DCC: variants seen among roughly 807,000 people sequenced by gnomAD.
DCC encodes DCC netrin 1 receptor, also known as netrin receptor DCC.
A neutral mutation model predicts 172.5 loss-of-function variants in DCC; 58 were observed. The observed-to-expected ratio is 0.34, with a 90% CI of 0.27 to 0.42. The LOEUF is 0.42. Ranked by LOEUF, DCC falls within the 10% of genes least tolerant of loss-of-function variation. DCC has a pLI of 1.00. For synonymous variants in DCC, 709 were observed against 644.5 expected (o/e 1.10, Z -1.52); for missense variants, 1,740 against 1,791.0 (o/e 0.97, Z 0.51).
At chr18:53,278,725 C>G (rs1336147387) in intron 12 of DCC, among the ~76,000 whole-genome samples, 1 of 152,098 alleles carries the variant, frequency 6.6e-6, no homozygotes, top group Non-Finnish European at 1.5e-5. Context: ...GCATTTGAAA[C>G]AGGGTTGATC....
chr18:52,603,973 C>A (rs759236913), intron 1 of DCC, among the ~76,000 whole-genome samples: 1 of 151,732 alleles, frequency 6.6e-6, no homozygotes, highest in East Asian at 1.9e-4. Context: ...ACCTATATTT[C>A]CTTGTCAATA....
At chr18:53,482,530 T>C (rs1282533790) in intron 25 of DCC, among the ~76,000 whole-genome samples, 1 of 152,140 alleles carries the variant, frequency 6.6e-6, no homozygotes, top group East Asian at 1.9e-4. Context: ...TTTATGTTTC[T>C]CTCTCCAAAT....
At chr18:53,446,535 A>G (rs1912623196) in intron 22 of DCC, among the ~76,000 whole-genome samples, 1 of 152,192 alleles carries the variant, frequency 6.6e-6, no homozygotes, top group African/African-American at 2.4e-5. Context: ...TCTAGGTTTG[A>G]GAGCTCTAAA....
At chr18:52,711,426 C>T (rs2036290513) in intron 1 of DCC, among the ~76,000 whole-genome samples, 1 of 152,138 alleles carries the variant, frequency 6.6e-6, no homozygotes, top group African/African-American at 2.4e-5. Flanking sequence ...GCTATATGCT[C>T]AATGCTGAGC....
intron 7 of DCC, among the ~76,000 whole-genome samples, chr18:53,135,557 C>T (rs1044687006): frequency 2.0e-5 from 3 of 152,098 alleles, no homozygotes; most frequent in Admixed American, 6.6e-5. Flanking sequence ...AGTCTTCTTC[C>T]AGTGTGGGTA....
chr18:53,488,972 C>T (rs2045931764), intron 26 of DCC, among the ~76,000 whole-genome samples: 1 of 151,594 alleles, frequency 6.6e-6, no homozygotes, highest in African/African-American at 2.4e-5. Flanking sequence ...TCCTGGCCAA[C>T]ATGGTGAAAC....
chr18:53,143,940 T>C (rs2043867921), intron 7 of DCC, among the ~76,000 whole-genome samples: 1 of 152,254 alleles, frequency 6.6e-6, no homozygotes, highest in Non-Finnish European at 1.5e-5. Context: ...ATTCTTATGT[T>C]GACATTTATT....
At chr18:53,279,630 T>G (rs1177635317) in intron 12 of DCC, among the ~76,000 whole-genome samples, 2 of 127,442 alleles carry the variant, frequency 1.6e-5, no homozygotes, top group Non-Finnish European at 3.3e-5. Flanking sequence ...ACCTGTACCC[T>G]AAAACTTAAA....
At chr18:53,530,508 A>G (rs1411430542) in intron 28 of DCC, 56 bp from the exon 29 acceptor site, 4 of 1,013,654 alleles carry the variant, frequency 3.9e-6, no homozygotes, top group Non-Finnish European at 6.3e-6. Flanking sequence ...CCCGGCCTTC[A>G]TAAAAGAAAT....
intron 1 of DCC, among the ~76,000 whole-genome samples, chr18:52,520,624 T>C (rs1022241391): frequency 6.6e-6 from 1 of 152,226 alleles, no homozygotes; most frequent in Non-Finnish European, 1.5e-5. Context: ...GCCTACTGCC[T>C]GATCCAGTTC....
At chr18:53,101,655 G>T (rs1435529386) in intron 7 of DCC, among the ~76,000 whole-genome samples, 1 of 152,058 alleles carries the variant, frequency 6.6e-6, no homozygotes, top group Non-Finnish European at 1.5e-5. Flanking sequence ...TGACATGTTT[G>T]TTGTCCTTTC....
intron 5 of DCC, among the ~76,000 whole-genome samples, chr18:53,006,465 C>A (rs2041647452): frequency 6.6e-6 from 1 of 151,988 alleles, no homozygotes; most frequent in Non-Finnish European, 1.5e-5. Flanking sequence ...GAAGAACTAG[C>A]AAAAGAGAAA....
At chr18:52,563,509 G>A (rs2033086798) in intron 1 of DCC, among the ~76,000 whole-genome samples, 1 of 152,090 alleles carries the variant, frequency 6.6e-6, no homozygotes, top group African/African-American at 2.4e-5. Flanking sequence ...TCTTCAGCAG[G>A]CACACATAAG....
chr18:52,895,773 T>C (rs760102647), intron 2 of DCC, among the ~76,000 whole-genome samples: 2 of 152,048 alleles, frequency 1.3e-5, no homozygotes, highest in Admixed American at 6.6e-5. Flanking sequence ...AGAAGAAAAA[T>C]TGAGTTAAAT....
At chr18:52,856,432 T>C (rs1438308125) in intron 2 of DCC, among the ~76,000 whole-genome samples, 1 of 151,452 alleles carries the variant, frequency 6.6e-6, no homozygotes, top group Non-Finnish European at 1.5e-5. Context: ...AAGACCATCC[T>C]GGCTAACACG....
intron 2 of DCC, among the ~76,000 whole-genome samples, chr18:52,826,798 T>A (rs1324915467): frequency 6.6e-6 from 1 of 152,186 alleles, no homozygotes; most frequent in African/African-American, 2.4e-5. Context: ...TTTATCATTT[T>A]ACAGTCAGCC....
intron 5 of DCC, chr18:52,931,688 C>T (rs2040309354): frequency 6.6e-6 from 1 of 151,938 alleles, no homozygotes; most frequent in African/African-American, 2.4e-5. Context: ...CTTTATTAGA[C>T]AAGATTAATG....
At chr18:53,137,494 A>G (rs12965244) in intron 7 of DCC, among the ~76,000 whole-genome samples, 47,406 of 152,110 alleles carry the variant, frequency 0.31, 9,169 homozygotes, top group East Asian at 0.59. Context: ...TCAGTCTGCT[A>G]TGACATAGCT....
intron 2 of DCC, among the ~76,000 whole-genome samples, chr18:52,845,791 G>C (rs932143418): frequency 6.6e-6 from 1 of 152,206 alleles, no homozygotes; most frequent in South Asian, 2.1e-4. Context: ...ACTGAACAAG[G>C]TTTAGAAAGC....
Sources: gnomAD v4.1 joint callset for allele counts (sites outside exome capture counted in the v4.1 genomes callset) on GRCh38, gnomAD v4.1.1 for gene constraint, MANE v1.5 for transcripts, NCBI Gene and HGNC (gene_info 2026-07-23, HGNC 2026-07-21) for gene names.